BICC1: variants seen among roughly 807,000 people sequenced by gnomAD.
BICC1 encodes the protein BicC family RNA binding protein 1, also known as protein bicaudal C homolog 1.
BICC1 carries 43 observed loss-of-function variants against 111.0 expected under a neutral mutation model. That is an observed-to-expected ratio of 0.39 (90% confidence interval 0.30 to 0.50). BICC1 has a LOEUF of 0.50. Ranked by LOEUF, BICC1 falls within the 20% of genes least tolerant of loss-of-function variation. The pLI, the probability that BICC1 is intolerant of heterozygous loss-of-function variation, is 0.88. For missense variants in BICC1, 1,091 were observed against 1,203.2 expected (o/e 0.91, Z 1.38); for synonymous variants, 467 against 434.4 (o/e 1.07, Z -0.93).
chr10:58,821,704 G>A (rs1377429922), intron 20 of BICC1, among the ~76,000 whole-genome samples: 1 of 152,100 alleles, frequency 6.6e-6, no homozygotes, highest in Non-Finnish European at 1.5e-5. Flanking sequence ...TCTATTAATG[G>A]AACTCCACAG....
chr10:58,526,590 C>T (rs986567006), intron 1 of BICC1, among the ~76,000 whole-genome samples: 16 of 152,150 alleles, frequency 1.1e-4, no homozygotes, highest in Non-Finnish European at 2.2e-4. Flanking sequence ...CCCCCCACCC[C>T]ACGACAGGAC....
At chr10:58,588,824 C>T (rs1844510484) in intron 1 of BICC1, among the ~76,000 whole-genome samples, 1 of 152,220 alleles carries the variant, frequency 6.6e-6, no homozygotes, top group Admixed American at 6.5e-5. Flanking sequence ...ATTTGATTTT[C>T]ATGGCATTGG....
chr10:58,699,859 T>G (rs1840177713), intron 2 of BICC1, among the ~76,000 whole-genome samples: 1 of 152,112 alleles, frequency 6.6e-6, no homozygotes, highest in Admixed American at 6.5e-5. Flanking sequence ...ATTCAGCTAA[T>G]TTTTGTATTT....
chr10:58,665,188 C>G (rs1330174984), intron 2 of BICC1, among the ~76,000 whole-genome samples: 1 of 152,050 alleles, frequency 6.6e-6, no homozygotes, highest in Non-Finnish European at 1.5e-5. Flanking sequence ...TCTTGTGTGC[C>G]GAAGCCTCAG....
At chr10:58,812,582 A>G (rs910169312) in intron 17 of BICC1, among the ~76,000 whole-genome samples, 8 of 151,616 alleles carry the variant, frequency 5.3e-5, no homozygotes, top group Non-Finnish European at 1.0e-4. Flanking sequence ...GGTTCAAGCA[A>G]TTCTCCTGCC....
At chr10:58,692,867 T>G (rs1316172939) in intron 2 of BICC1, among the ~76,000 whole-genome samples, 2 of 151,908 alleles carry the variant, frequency 1.3e-5, no homozygotes, top group Non-Finnish European at 2.9e-5. Context: ...TTTTAAATTT[T>G]ATTATTATTA....
At chr10:58,555,281 C>T (rs1295824222) in intron 1 of BICC1, among the ~76,000 whole-genome samples, 2 of 141,284 alleles carry the variant, frequency 1.4e-5, no homozygotes, top group East Asian at 4.1e-4. Flanking sequence ...TATTTTACAG[C>T]TGAAGAGAAT....
At chr10:58,696,893 A>C (rs1038311979) in intron 2 of BICC1, among the ~76,000 whole-genome samples, 1 of 152,186 alleles carries the variant, frequency 6.6e-6, no homozygotes, top group Non-Finnish European at 1.5e-5. Context: ...GATTTTAAGA[A>C]ACTGGCTGGA....
At chr10:58,742,618 A>C (rs1402130074) in intron 3 of BICC1, among the ~76,000 whole-genome samples, 1 of 151,524 alleles carries the variant, frequency 6.6e-6, no homozygotes, top group Admixed American at 6.6e-5. Context: ...TTGTATTTTT[A>C]GTAGAGATGG....
chr10:58,599,182 T>C (rs945030865), intron 1 of BICC1, among the ~76,000 whole-genome samples: 7 of 152,160 alleles, frequency 4.6e-5, no homozygotes, highest in African/African-American at 7.2e-5. Context: ...ATCATTCTAC[T>C]ATAAAGACAC....
chr10:58,541,458 C>T (rs1312772384), intron 1 of BICC1, among the ~76,000 whole-genome samples: 1 of 151,972 alleles, frequency 6.6e-6, no homozygotes, highest in Non-Finnish European at 1.5e-5. Flanking sequence ...TTTACAGTAG[C>T]ATCAAAAAGA....
chr10:58,512,847 G>C (rs937658126), upstream of BICC1, among the ~76,000 whole-genome samples: 4 of 148,934 alleles, frequency 2.7e-5, no homozygotes, highest in Admixed American at 6.7e-5. Context: ...CCTGCGGATG[G>C]AGGCGCGGGC....
chr10:58,557,762 G>A (rs531104059), intron 1 of BICC1, among the ~76,000 whole-genome samples: 40 of 152,054 alleles, frequency 2.6e-4, no homozygotes, highest in African/African-American at 9.4e-4. Context: ...TAAATACACA[G>A]TAACCTTTTT....
At chr10:58,809,479 A>G (rs1027786472) in intron 17 of BICC1, among the ~76,000 whole-genome samples, 4 of 151,810 alleles carry the variant, frequency 2.6e-5, no homozygotes, top group East Asian at 2.0e-4. Context: ...GGCTCAAGCA[A>G]TCCACCTGCC....
At chr10:58,681,728 T>G (rs1056558864) in intron 2 of BICC1, among the ~76,000 whole-genome samples, 4 of 152,130 alleles carry the variant, frequency 2.6e-5, no homozygotes, top group African/African-American at 9.7e-5. Flanking sequence ...TTTCAGTTCT[T>G]AAAGATGGTG....
chr10:58,534,527 G>C (rs1281691622), intron 1 of BICC1, among the ~76,000 whole-genome samples: 1 of 151,564 alleles, frequency 6.6e-6, no homozygotes, highest in East Asian at 1.9e-4. Context: ...CCAAAGCTAG[G>C]TGACAATAAA....
At chr10:58,588,279 A>G (rs968247463) in intron 1 of BICC1, among the ~76,000 whole-genome samples, 3 of 152,194 alleles carry the variant, frequency 2.0e-5, no homozygotes, top group African/African-American at 7.2e-5. Flanking sequence ...TATTTATTTG[A>G]CAAACACATT....
At chr10:58,763,795 C>T (rs1842384282) in intron 3 of BICC1, among the ~76,000 whole-genome samples, 2 of 151,864 alleles carry the variant, frequency 1.3e-5, no homozygotes, top group African/African-American at 2.4e-5. Flanking sequence ...GCGTTTGAGA[C>T]TAGCTGGGAG....
In BICC1 at chr10:58,681,419, T is replaced by C. The variant is rs547900797; in HGVS notation, c.238-20655T>C. Reference sequence around the variant, plus strand: ...ACATATGAAAAAAGCTCATCATCACTGGTCATTAAAGAAATGCAAATAAAA... The same window carrying C: ...ACATATGAAAAAAGCTCATCATCACCGGTCATTAAAGAAATGCAAATAAAA... On this transcript the variant is annotated intron_variant, in intron 2 of 20. Coordinates refer to ENST00000373886, the MANE Select transcript of BICC1 (RefSeq NM_001080512.3). 1.1e-4 allele frequency among the ~76,000 whole-genome samples: 17 copies of C among 152,270 alleles called. No individual in the cohort carries two copies. The South Asian group carries it at 3.5e-3, about 32-fold the overall frequency.
Sources: allele counts gnomAD v4.1 joint callset (sites outside exome capture counted in the v4.1 genomes callset), GRCh38; gene constraint gnomAD v4.1.1; transcripts MANE v1.5; gene names NCBI Gene and HGNC (gene_info 2026-07-23, HGNC 2026-07-21).